Variants in ATRNL1 observed in about 807,000 individuals in gnomAD.
ATRNL1 encodes attractin-like protein 1.
In ATRNL1, 95 loss-of-function variants were observed where a neutral mutation model predicts 182.7. That is an observed-to-expected ratio of 0.52 (90% CI 0.44 to 0.62). The LOEUF (loss-of-function observed/expected upper bound fraction) is 0.62, where lower values mean the gene tolerates loss of function less well. ATRNL1 is among the 20% of genes least tolerant of loss of function. The pLI is 0.00. For synonymous variants in ATRNL1, 576 were observed against 568.3 expected, an observed-to-expected ratio of 1.01 and a Z score of -0.19; for missense variants, 1,471 against 1,679.5, an observed-to-expected ratio of 0.88 and a Z score of 2.17.
At chr10:115,393,406 G>A (rs1286422545) in intron 19 of ATRNL1, among the ~76,000 whole-genome samples, 1 of 152,016 alleles carries the variant, frequency 6.6e-6, no homozygotes, top group African/African-American at 2.4e-5. Flanking sequence ...TATTGATACT[G>A]GAAGAAAAAT....
At chr10:115,153,013 T>G in intron 5 of ATRNL1, among the ~76,000 whole-genome samples, 1 of 152,154 alleles carries the variant, frequency 6.6e-6, no homozygotes, top group East Asian at 1.9e-4. Context: ...ATATGCTGGA[T>G]TACGCTTATT....
intron 28 of ATRNL1, among the ~76,000 whole-genome samples, chr10:115,880,778 G>A (rs880000461): frequency 1.2e-4 from 19 of 152,270 alleles, no homozygotes; most frequent in Non-Finnish European, 2.4e-4. Flanking sequence ...GTGCATGTAC[G>A]AGTAGTTAAA....
chr10:115,535,836 G>C (rs10885732), intron 25 of ATRNL1, among the ~76,000 whole-genome samples: 96,561 of 151,476 alleles, frequency 0.64, 31,841 homozygotes, highest in Non-Finnish European at 0.73. Flanking sequence ...AGATAGGACC[G>C]TCAGCTGCAG....
intron 28 of ATRNL1, among the ~76,000 whole-genome samples, chr10:115,892,446 A>G (rs1555111516): frequency 6.6e-6 from 1 of 152,206 alleles, no homozygotes; most frequent in African/African-American, 2.4e-5. Context: ...TTTAATATAT[A>G]TAGTTACTCT....
rs76126936 is a variant in ATRNL1, at chr10:115,729,133, A to G, written c.3903+1778A>G. Among the ~76,000 whole-genome samples, 451 of 152,298 alleles carry G rather than the reference A, an allele frequency of 3.0e-3. 2 individuals carry two copies. The highest frequency in any genetic ancestry group is 0.01 in the African/African-American group (424 of 41,586). Reference sequence around the variant, plus strand: ...AAATATGACACAGACATATGTCACCATAGTTTGTCAGTTGCACGTTAATAG... The same window carrying G: ...AAATATGACACAGACATATGTCACCGTAGTTTGTCAGTTGCACGTTAATAG... On this transcript the variant is annotated intron_variant, in intron 27 of 28. Coordinates refer to ENST00000355044, the MANE Select transcript of ATRNL1 (RefSeq NM_207303.4).
chr10:115,786,863 C>A (rs536488489), intron 27 of ATRNL1, among the ~76,000 whole-genome samples: 46 of 152,150 alleles, frequency 3.0e-4, no homozygotes, highest in African/African-American at 1.0e-3. Flanking sequence ...ATATGTTAAA[C>A]CTTTATTATG....
At chr10:115,616,599 G>T (rs143874248) in intron 26 of ATRNL1, among the ~76,000 whole-genome samples, 1 of 152,284 alleles carries the variant, frequency 6.6e-6, no homozygotes, top group African/African-American at 2.4e-5. Context: ...AGGAAAGAAT[G>T]CTTCCATGGG....
intron 13 of ATRNL1, among the ~76,000 whole-genome samples, chr10:115,279,213 A>AT (rs1490591083): frequency 5.0e-4 from 74 of 149,446 alleles, no homozygotes; most frequent in African/African-American, 1.5e-3. Flanking sequence ...AAAAAAAAAA[A>AT]AATAATAATA....
At chr10:115,503,136 C>T (rs1849929959) in intron 24 of ATRNL1, among the ~76,000 whole-genome samples, 1 of 151,972 alleles carries the variant, frequency 6.6e-6, no homozygotes. Context: ...ATTACAAGGA[C>T]TTTAAAAGCA....
intron 26 of ATRNL1, among the ~76,000 whole-genome samples, chr10:115,615,370 C>A (rs1408986093): frequency 6.6e-6 from 1 of 152,014 alleles, no homozygotes; most frequent in African/African-American, 2.4e-5. Flanking sequence ...GAAGAGACAG[C>A]TTTGTCAGTT....
rs560385919 is a variant in ATRNL1 at position 115,390,447 on chromosome 10, C to A, written c.3176-4212C>A. ...ATTTATTCAAGAGACTATCTTTTCT[C>A]CATTGTGTGTTCTTGACACTTTTGT... On this transcript the variant is annotated intron_variant, in intron 19 of 28. Coordinates refer to ENST00000355044, the MANE Select transcript of ATRNL1 (RefSeq NM_207303.4). 2.6e-5 allele frequency among the ~76,000 whole-genome samples: 4 copies of A among 152,158 alleles called. No individual in the cohort carries two copies. In the East Asian group the frequency reaches 7.7e-4, roughly 29 times the overall value.
At chr10:115,505,719 G>C (rs1186462152) in intron 24 of ATRNL1, among the ~76,000 whole-genome samples, 1 of 151,580 alleles carries the variant, frequency 6.6e-6, no homozygotes, top group Non-Finnish European at 1.5e-5. Flanking sequence ...GGTTCTAGGA[G>C]AGAAAAAAAA....
At chr10:115,222,744 ATGAC>A (rs565783643) in intron 9 of ATRNL1, among the ~76,000 whole-genome samples, 30 of 152,342 alleles carry the variant, frequency 2.0e-4, no homozygotes, top group Middle Eastern at 6.8e-3. Context: ...TAGAAAAACA[ATGAC>A]TGAGATAACT....
intron 26 of ATRNL1, among the ~76,000 whole-genome samples, chr10:115,637,723 C>G (rs1269115613): frequency 6.6e-6 from 1 of 151,462 alleles, no homozygotes; most frequent in Non-Finnish European, 1.5e-5. Context: ...CTCCCGAGTT[C>G]AAGCAATTCC....
intron 26 of ATRNL1, among the ~76,000 whole-genome samples, chr10:115,642,688 G>A (rs112197399): frequency 5.1e-4 from 77 of 152,156 alleles, no homozygotes; most frequent in African/African-American, 1.8e-3. Context: ...CAGGTGATCC[G>A]CCCGCCTTGG....
intron 27 of ATRNL1, among the ~76,000 whole-genome samples, chr10:115,820,696 C>T (rs782046792): frequency 1.2e-4 from 18 of 152,014 alleles, no homozygotes; most frequent in Admixed American, 3.3e-4. Context: ...ATCTGAGAGG[C>T]GGTACAAAGT....
chr10:115,347,032 TTATGG>T (rs1303275569), intron 19 of ATRNL1, among the ~76,000 whole-genome samples: 1 of 152,132 alleles, frequency 6.6e-6, no homozygotes, highest in Non-Finnish European at 1.5e-5. Context: ...TTTTAAATTA[TTATGG>T]TAAGTTTTAC....
intron 27 of ATRNL1, among the ~76,000 whole-genome samples, chr10:115,762,057 A>G (rs782140406): frequency 7.9e-5 from 12 of 152,192 alleles, no homozygotes; most frequent in Non-Finnish European, 1.8e-4. Context: ...GGCCATTGTC[A>G]GAATTCATTA....
chr10:115,747,084 A>G (rs781827536), intron 27 of ATRNL1, among the ~76,000 whole-genome samples: 13 of 152,146 alleles, frequency 8.5e-5, no homozygotes, highest in Non-Finnish European at 1.3e-4. Flanking sequence ...AAAACATGAC[A>G]GCTTTAATGA....
Sources: gnomAD v4.1 joint callset for allele counts (sites outside exome capture counted in the v4.1 genomes callset) on GRCh38, gnomAD v4.1.1 for gene constraint, MANE v1.5 for transcripts, NCBI Gene and HGNC (gene_info 2026-07-23, HGNC 2026-07-21) for gene names.